The following DGKB variants were observed in gnomAD, a reference collection of about 807,000 sequenced individuals.
DGKB encodes diacylglycerol kinase beta.
A neutral mutation model predicts 114.3 loss-of-function variants in DGKB; 67 were observed. The observed-to-expected ratio is 0.59, with a 90% CI of 0.48 to 0.72. The LOEUF (loss-of-function observed/expected upper bound fraction) is 0.72. Ranked by LOEUF, DGKB falls within the 30% of genes least tolerant of loss-of-function variation. DGKB has a pLI of 0.00. For missense variants in DGKB, 907 were observed against 975.2 expected, an observed-to-expected ratio of 0.93 and a Z score of 0.93; for synonymous variants, 398 against 323.1, an observed-to-expected ratio of 1.23 and a Z score of -2.49.
At chr7:14,281,508 G>A (rs966376624) in intron 23 of DGKB, among the ~76,000 whole-genome samples, 2 of 146,768 alleles carry the variant, frequency 1.4e-5, no homozygotes, top group Admixed American at 1.3e-4. Flanking sequence ...GCACCAAGCG[G>A]ACCTAATAGA....
intron 23 of DGKB, among the ~76,000 whole-genome samples, chr7:14,240,634 T>TC (rs1793502735): frequency 6.6e-6 from 1 of 151,968 alleles, no homozygotes; most frequent in Non-Finnish European, 1.5e-5. Context: ...TTTTCTTCCC[T>TC]CCCCAAGAGA....
chr7:14,840,699 A>AAC (rs57577998), intron 2 of DGKB, among the ~76,000 whole-genome samples: 1,508 of 130,212 alleles, frequency 0.012, 12 homozygotes, highest in African/African-American at 0.028. Context: ...ACTCTCTTTT[A>AAC]ACACACACAC....
intron 21 of DGKB, among the ~76,000 whole-genome samples, chr7:14,473,252 A>G (rs1376416994): frequency 2.0e-5 from 3 of 152,132 alleles, no homozygotes; most frequent in Non-Finnish European, 2.9e-5. Context: ...TCCCAGCTGC[A>G]CCATCCATGG....
chr7:14,645,059 A>C (rs115595654), intron 13 of DGKB, among the ~76,000 whole-genome samples: 2,059 of 152,184 alleles, frequency 0.014, 40 homozygotes, highest in African/African-American at 0.047. Flanking sequence ...CTCAGTCTTG[A>C]TTGGTTCCTT....
At chr7:14,569,807 A>ATAT (rs1798110308) in intron 20 of DGKB, among the ~76,000 whole-genome samples, 1 of 152,006 alleles carries the variant, frequency 6.6e-6, no homozygotes, top group Non-Finnish European at 1.5e-5. Context: ...AATTAATTGA[A>ATAT]TATTATATCA....
At chr7:14,537,497 C>T (rs1792700814) in intron 20 of DGKB, among the ~76,000 whole-genome samples, 1 of 152,062 alleles carries the variant, frequency 6.6e-6, no homozygotes, top group East Asian at 1.9e-4. Context: ...ATACAGTCAA[C>T]TGATATTTGA....
chr7:14,618,989 C>G (rs1382036020), intron 15 of DGKB, among the ~76,000 whole-genome samples: 1 of 151,442 alleles, frequency 6.6e-6, no homozygotes, highest in East Asian at 1.9e-4. Context: ...AAATACAACA[C>G]AAAATTACTA....
chr7:14,582,553 T>C (rs1042731568), intron 18 of DGKB, among the ~76,000 whole-genome samples: 1 of 152,168 alleles, frequency 6.6e-6, no homozygotes, highest in Non-Finnish European at 1.5e-5. Context: ...GGATTATTAA[T>C]ACTATCTGTA....
At position 14,291,097 on chromosome 7, in the gene DGKB, A is replaced by ATGCAGTGAGCCGAGGTCC. The variant is rs1801693137; in HGVS notation, c.2122+47417_2122+47418insGGACCTCGGCTCACTGCA. The stretch of plus-strand genomic sequence containing the variant: ...GCAGAGGTTGCAGTGAGCCGAGGTC[A>ATGCAGTGAGCCGAGGTCC]TGCTACTGCACTCCAGCCTATGCAA... On this transcript the variant is annotated intron_variant, in intron 23 of 25. Coordinates refer to ENST00000402815, the MANE Select transcript of DGKB (RefSeq NM_001350709.2). 2.2e-5 allele frequency among the ~76,000 whole-genome samples: 3 copies of ATGCAGTGAGCCGAGGTCC among 136,480 alleles called. No homozygotes were observed. In the South Asian group the frequency reaches 7.1e-4, roughly 32 times the overall value. The allele number at this position is 136,480 out of a possible 152,430, so 89.5% of individuals were successfully genotyped here.
intron 23 of DGKB, chr7:14,192,193 T>G (rs2128275081): frequency 3.8e-6 from 1 of 264,592 alleles, no homozygotes; most frequent in Non-Finnish European, 7.5e-6. Context: ...GTAGATGTTA[T>G]AATATTTTAC....
At chr7:14,835,047 A>C in intron 2 of DGKB, among the ~76,000 whole-genome samples, 1 of 152,172 alleles carries the variant, frequency 6.6e-6, no homozygotes, top group Non-Finnish European at 1.5e-5. Flanking sequence ...AGGCAAAAGA[A>C]TATATGAAGC....
At chr7:14,639,276 G>A (rs985673466) in intron 13 of DGKB, among the ~76,000 whole-genome samples, 24 of 152,172 alleles carry the variant, frequency 1.6e-4, no homozygotes, top group Non-Finnish European at 3.4e-4. Context: ...TAGTAATATT[G>A]ACAAAGTGTG....
At chr7:14,310,294 C>A (rs1217633426) in intron 23 of DGKB, among the ~76,000 whole-genome samples, 2 of 152,068 alleles carry the variant, frequency 1.3e-5, no homozygotes, top group Admixed American at 1.3e-4. Flanking sequence ...GGTAGGAGAT[C>A]ACATTACAGA....
At chr7:14,923,163 T>C (rs1784591476) in intron 1 of DGKB, among the ~76,000 whole-genome samples, 1 of 152,222 alleles carries the variant, frequency 6.6e-6, no homozygotes, top group African/African-American at 2.4e-5. Flanking sequence ...TGTCAAATTG[T>C]GATTTTTTAG....
intron 5 of DGKB, among the ~76,000 whole-genome samples, chr7:14,732,381 C>T (rs1586067561): frequency 6.6e-6 from 1 of 151,870 alleles, no homozygotes; most frequent in African/African-American, 2.4e-5. Context: ...ATTTTTCAGC[C>T]ACAAAAACAC....
intron 2 of DGKB, among the ~76,000 whole-genome samples, chr7:14,761,887 G>A (rs1835749560): frequency 1.3e-5 from 2 of 152,124 alleles, no homozygotes; most frequent in African/African-American, 4.8e-5. Flanking sequence ...TTGGGATAAG[G>A]GAGCTGGACA....
intron 1 of DGKB, among the ~76,000 whole-genome samples, chr7:14,844,039 C>A (rs1224280433): frequency 6.6e-6 from 1 of 152,154 alleles, no homozygotes; most frequent in East Asian, 1.9e-4. Flanking sequence ...CACCCAGTAT[C>A]CATTCTCTTT....
intron 21 of DGKB, among the ~76,000 whole-genome samples, chr7:14,453,635 T>G (rs937676520): frequency 5.9e-5 from 9 of 152,188 alleles, no homozygotes; most frequent in East Asian, 1.9e-4. Flanking sequence ...TCTGTAATTT[T>G]TCGAACACTT....
At chr7:14,620,435 GA>G (rs936743468) in intron 15 of DGKB, among the ~76,000 whole-genome samples, 7 of 150,634 alleles carry the variant, frequency 4.6e-5, no homozygotes, top group Non-Finnish European at 1.0e-4. Context: ...CTCTCATATT[GA>G]AAAAATACAA....
Sources: allele counts gnomAD v4.1 joint callset (sites outside exome capture counted in the v4.1 genomes callset), GRCh38; gene constraint gnomAD v4.1.1; transcripts MANE v1.5; gene names NCBI Gene and HGNC (gene_info 2026-07-23, HGNC 2026-07-21).